The following FGF14 variants were observed in gnomAD, a reference collection of about 807,000 sequenced individuals.
The protein encoded by FGF14 is fibroblast growth factor 14, also known as fibroblast growth factor homologous factor 4.
Under a neutral mutation model 25.5 loss-of-function variants are expected in FGF14, and 5 were observed. The observed-to-expected ratio is 0.20, with a 90% CI of 0.10 to 0.41. The LOEUF (loss-of-function observed/expected upper bound fraction) is 0.41, where lower values mean the gene tolerates loss of function less well. Ranked by LOEUF, FGF14 falls within the 10% of genes least tolerant of loss-of-function variation. The probability of loss-of-function intolerance (pLI) is 1.00; values close to 1 mark genes in which losing one functional copy is unlikely to be tolerated. For missense variants in FGF14, 222 were observed against 320.1 expected, an observed-to-expected ratio of 0.69 and a Z score of 2.34; for synonymous variants, 138 against 118.3, an observed-to-expected ratio of 1.17 and a Z score of -1.08.
chr13:102,122,549 T>C (rs2045774406), intron 1 of FGF14, among the ~76,000 whole-genome samples: 1 of 152,176 alleles, frequency 6.6e-6, no homozygotes, highest in Admixed American at 6.5e-5. Flanking sequence ...AGCCAGTGAG[T>C]ATCTTTCAGT....
At chr13:102,175,321 T>C (rs1289293625) in intron 1 of FGF14, among the ~76,000 whole-genome samples, 1 of 151,922 alleles carries the variant, frequency 6.6e-6, no homozygotes, top group African/African-American at 2.4e-5. Context: ...TTTGGAAAAG[T>C]TGACAAAATA....
At position 102,281,121 on chromosome 13, in the gene FGF14, A is replaced by G. The variant is rs79548212; in HGVS notation, c.208+120350T>C. Among the ~76,000 whole-genome samples, 345 of 152,354 alleles carry G rather than the reference A, an allele frequency of 2.3e-3. 3 individuals carry two copies. The highest frequency in any genetic ancestry group is 8.1e-3 in the African/African-American group (335 of 41,576). On this transcript the variant is annotated intron_variant, in intron 1 of 4. Transcript: ENST00000376131. ...TAGTAATATTTTCACAAGGCCAAAC[A>G]TAAAATAATTTTAAGGAATTCTAAA...
At chr13:102,137,546 G>A (rs939406120) in intron 1 of FGF14, among the ~76,000 whole-genome samples, 10 of 152,188 alleles carry the variant, frequency 6.6e-5, no homozygotes, top group Admixed American at 2.0e-4. Context: ...ACTTAAGCTT[G>A]GTGCAACCCA....
chr13:102,280,720 A>G (rs2053788148), intron 1 of FGF14, among the ~76,000 whole-genome samples: 1 of 152,204 alleles, frequency 6.6e-6, no homozygotes. Flanking sequence ...TGCATGAGAT[A>G]AAGAAATAAG....
intron 1 of FGF14, among the ~76,000 whole-genome samples, chr13:102,355,986 C>T (rs991717840): frequency 3.4e-4 from 51 of 152,116 alleles, no homozygotes; most frequent in African/African-American, 1.2e-3. Flanking sequence ...TGAGTTAGCA[C>T]AATGTCCCCG....
At chr13:102,096,525 TATG>T (rs1481348825) in intron 1 of FGF14, among the ~76,000 whole-genome samples, 1 of 152,102 alleles carries the variant, frequency 6.6e-6, no homozygotes, top group Non-Finnish European at 1.5e-5. Flanking sequence ...TAATATGCGC[TATG>T]ATGATATTTT....
chr13:101,817,048 T>C (rs553843041), intron 3 of FGF14, among the ~76,000 whole-genome samples: 1 of 152,290 alleles, frequency 6.6e-6, no homozygotes, highest in East Asian at 1.9e-4. Context: ...TGCCTCTTCC[T>C]CTCCTCTTTA....
rs1322704 is a variant in FGF14, at chr13:101,806,917, T to G, written c.408+61808A>C. Among the ~76,000 whole-genome samples the G allele has an allele frequency of 4.0e-4, 61 of 152,294 alleles. 1 individual carries two copies. Among genetic ancestry groups the G allele is most frequent in the African/African-American group, 1.4e-3 (58 of 41,564 alleles). ...AGCTTCCGAATTCAACATAACTAGA[T>G]TTAATACCTACTCAGAGTGACTTTT... On this transcript the variant is annotated intron_variant, in intron 3 of 4. Coordinates refer to ENST00000376143, the MANE Select transcript of FGF14 (RefSeq NM_004115.4).
chr13:102,158,285 C>T (rs1344570375), intron 1 of FGF14, among the ~76,000 whole-genome samples: 4 of 152,080 alleles, frequency 2.6e-5, no homozygotes, highest in Admixed American at 6.6e-5. Flanking sequence ...GTCCAACAAT[C>T]ATAGACTGGA....
chr13:101,886,450 C>T (rs1476634485), intron 1 of FGF14, among the ~76,000 whole-genome samples: 6 of 152,080 alleles, frequency 3.9e-5, no homozygotes, highest in African/African-American at 1.4e-4. Context: ...GGGAAAAGGA[C>T]ACTTTCTTTA....
chr13:102,206,164 T>A (rs1432888286), intron 1 of FGF14, among the ~76,000 whole-genome samples: 1 of 150,428 alleles, frequency 6.6e-6, no homozygotes, highest in African/African-American at 2.5e-5. Context: ...CTACATGCTA[T>A]TTGTTTTTTC....
chr13:102,394,593 C>T (rs1424044643), intron 1 of FGF14: 1 of 152,306 alleles, frequency 6.6e-6, no homozygotes, highest in Non-Finnish European at 1.5e-5. Context: ...AAACTTCCCG[C>T]GCTACGGCGG....
chr13:101,955,294 A>G (rs1039316724), intron 1 of FGF14, among the ~76,000 whole-genome samples: 3 of 152,248 alleles, frequency 2.0e-5, no homozygotes, highest in Admixed American at 6.5e-5. Context: ...AAATCGTTCT[A>G]CACTGCAATT....
At chr13:102,172,128 C>G (rs985299952) in intron 1 of FGF14, among the ~76,000 whole-genome samples, 1 of 151,942 alleles carries the variant, frequency 6.6e-6, no homozygotes, top group African/African-American at 2.4e-5. Flanking sequence ...CTACACCTGG[C>G]CCTCTTCACC....
chr13:102,150,042 G>A (rs1181388874), intron 1 of FGF14, among the ~76,000 whole-genome samples: 1 of 152,190 alleles, frequency 6.6e-6, no homozygotes, highest in Non-Finnish European at 1.5e-5. Context: ...GTCTTAGAAT[G>A]TGAGTTGAGG....
At chr13:101,758,348 G>A (rs1453963582) in intron 3 of FGF14, among the ~76,000 whole-genome samples, 2 of 152,152 alleles carry the variant, frequency 1.3e-5, no homozygotes, top group Non-Finnish European at 2.9e-5. Context: ...GACAGAGTAG[G>A]AGCGAGTTTG....
intron 1 of FGF14, among the ~76,000 whole-genome samples, chr13:102,125,859 C>A (rs746655675): frequency 6.6e-6 from 1 of 151,984 alleles, no homozygotes; most frequent in Non-Finnish European, 1.5e-5. Flanking sequence ...TGGATATAGT[C>A]GATGAAATTT....
At chr13:101,916,334 G>A in intron 1 of FGF14, 119 bp downstream of exon 1, 1 of 1,266,790 alleles carries the variant, frequency 7.9e-7, no homozygotes, top group Non-Finnish European at 1.1e-6. Flanking sequence ...GTGCTCAGAA[G>A]GGAGGCCGGG....
At chr13:101,967,282 T>C (rs117882809) in intron 1 of FGF14, among the ~76,000 whole-genome samples, 446 of 152,328 alleles carry the variant, frequency 2.9e-3, no homozygotes, top group Non-Finnish European at 4.4e-3. Flanking sequence ...ATGTCTAAAG[T>C]CATTTGTAAA....
Sources: gnomAD v4.1 joint callset for allele counts (sites outside exome capture counted in the v4.1 genomes callset) on GRCh38, gnomAD v4.1.1 for gene constraint, MANE v1.5 for transcripts, NCBI Gene and HGNC (gene_info 2026-07-23, HGNC 2026-07-21) for gene names.